CAMTA1: variants seen among roughly 807,000 people sequenced by gnomAD.
CAMTA1 encodes calmodulin binding transcription activator 1.
Under a neutral mutation model 170.9 loss-of-function variants are expected in CAMTA1, and 27 were observed. That is an observed-to-expected ratio of 0.16 (90% CI 0.12 to 0.22). The LOEUF is 0.22. Ranked by LOEUF, CAMTA1 falls within the 10% of genes least tolerant of loss-of-function variation. The probability of loss-of-function intolerance (pLI) is 1.00; values close to 1 mark genes in which losing one functional copy is unlikely to be tolerated. For synonymous variants in CAMTA1, 833 were observed against 891.5 expected, an observed-to-expected ratio of 0.93 and a Z score of 1.17; for missense variants, 1,619 against 2,217.2, an observed-to-expected ratio of 0.73 and a Z score of 5.42.
In CAMTA1 at chr1:7,635,597, A is replaced by C. The variant is rs1264201869; in HGVS notation, c.511-4803A>C. On this transcript the variant is annotated intron_variant, in intron 6 of 22. Transcript: ENST00000303635. The surrounding 1 kb of genome is among the most constrained non-coding windows in gnomAD (Gnocchi z 4.4). ...GCACTCCAGCCTGGGGGACAGAGCA[A>C]GACTCCGTCTCAAAAAAAAAAAAAA... Among the ~76,000 whole-genome samples the C allele has an allele frequency of 6.8e-6, 1 of 146,088 alleles. No individual in the cohort carries two copies. The highest frequency in any genetic ancestry group is 2.7e-5 in the African/African-American group (1 of 37,082).
Position 7,010,438 on chromosome 1 carries a change from T to TGA in CAMTA1, c.235-80866_235-80865insGA, listed in dbSNP as rs1699619136. The stretch of plus-strand genomic sequence containing the variant: ...TCTGGTCACTCCCAGGTCATGTCAG[T>TGA]CCTGAGGATGCCAGGAGACGCTTTC... On this transcript the variant is annotated intron_variant, in intron 3 of 22. Transcript: ENST00000303635. The surrounding 1 kb of genome is among the most constrained non-coding windows in gnomAD (Gnocchi z 4.4). Among the ~76,000 whole-genome samples, 2 of 152,190 alleles carry TGA rather than the reference T, an allele frequency of 1.3e-5. No individual in the cohort carries two copies. Among genetic ancestry groups the TGA allele is most frequent in the African/African-American group, 4.8e-5 (2 of 41,462 alleles).
intron 6 of CAMTA1, among the ~76,000 whole-genome samples, chr1:7,610,862 A>C (rs1403756735): frequency 6.6e-6 from 1 of 152,232 alleles, no homozygotes; most frequent in Non-Finnish European, 1.5e-5. Flanking sequence ...TCAGAGCACC[A>C]GATGAACCTC....
intron 3 of CAMTA1, among the ~76,000 whole-genome samples, chr1:7,089,819 T>C (rs920913909): frequency 1.3e-5 from 2 of 152,116 alleles, no homozygotes; most frequent in Non-Finnish European, 2.9e-5. Context: ...GACGCCATCA[T>C]GAATAGTTAG....
At chr1:7,714,245 A>G (rs2096592760) in intron 11 of CAMTA1, among the ~76,000 whole-genome samples, 1 of 152,210 alleles carries the variant, frequency 6.6e-6, no homozygotes, top group Non-Finnish European at 1.5e-5. Context: ...GCAACTTAAA[A>G]CCAATGAACT....
At chr1:7,440,826 G>A (rs762782410) in intron 5 of CAMTA1, among the ~76,000 whole-genome samples, 14 of 152,212 alleles carry the variant, frequency 9.2e-5, no homozygotes, top group Non-Finnish European at 1.8e-4. Flanking sequence ...AGCCGATGGC[G>A]ATGGTTTGAT....
At chr1:7,746,675 C>T (rs1220129814) in intron 18 of CAMTA1, among the ~76,000 whole-genome samples, 1 of 152,176 alleles carries the variant, frequency 6.6e-6, no homozygotes, top group African/African-American at 2.4e-5. Flanking sequence ...CATTCTGTTG[C>T]CAAGGCTGGA....
At chr1:7,073,653 AG>A (rs1638931861) in intron 3 of CAMTA1, among the ~76,000 whole-genome samples, 1 of 152,258 alleles carries the variant, frequency 6.6e-6, no homozygotes, top group South Asian at 2.1e-4. Flanking sequence ...GGTTATCAAA[AG>A]ATGCTGGTAG....
intron 5 of CAMTA1, among the ~76,000 whole-genome samples, chr1:7,330,896 G>A (rs2149741220): frequency 6.6e-6 from 1 of 152,268 alleles, no homozygotes; most frequent in South Asian, 2.1e-4. Flanking sequence ...CACCACCAGA[G>A]TCAGGCTGCG....
chr1:7,095,047 C>G (rs1641906718), intron 4 of CAMTA1, among the ~76,000 whole-genome samples: 1 of 151,704 alleles, frequency 6.6e-6, no homozygotes, highest in Non-Finnish European at 1.5e-5. Flanking sequence ...TAGTCTCACC[C>G]CCACCCCCAC....
At chr1:6,821,222 A>G (rs1459969721) in intron 2 of CAMTA1, among the ~76,000 whole-genome samples, 1 of 152,198 alleles carries the variant, frequency 6.6e-6, no homozygotes, top group Admixed American at 6.5e-5. Context: ...TAGAATTACT[A>G]CTGGGTTTAA....
At chr1:7,106,255 G>GGA (rs140851676) in intron 4 of CAMTA1, among the ~76,000 whole-genome samples, 1,775 of 149,774 alleles carry the variant, frequency 0.012, 36 homozygotes, top group African/African-American at 0.041. Flanking sequence ...AGGGAGGAAG[G>GGA]GAGAGAGAGA....
intron 4 of CAMTA1, among the ~76,000 whole-genome samples, chr1:7,199,766 G>A (rs1459581746): frequency 1.3e-5 from 2 of 151,976 alleles, no homozygotes; most frequent in African/African-American, 2.4e-5. Flanking sequence ...GGTGGGGAGT[G>A]GGTTTTTAAA....
At chr1:6,904,134 T>C (rs1677742238) in intron 3 of CAMTA1, among the ~76,000 whole-genome samples, 2 of 152,222 alleles carry the variant, frequency 1.3e-5, no homozygotes, top group South Asian at 4.1e-4. Context: ...CTTCCCATTC[T>C]TTCCTTCACC....
At chr1:7,180,521 T>TTC (rs1219557018) in intron 4 of CAMTA1, among the ~76,000 whole-genome samples, 1 of 144,146 alleles carries the variant, frequency 6.9e-6, no homozygotes, top group Non-Finnish European at 1.5e-5. Context: ...CTTTTTTTTT[T>TTC]TTTTTTTTTT....
intron 5 of CAMTA1, among the ~76,000 whole-genome samples, chr1:7,283,267 G>T (rs948209530): frequency 6.6e-6 from 1 of 151,986 alleles, no homozygotes; most frequent in African/African-American, 2.4e-5. Context: ...ATATTATGTT[G>T]TGCATGGTTT....
At chr1:6,985,176 CT>C (rs1312419980) in intron 3 of CAMTA1, among the ~76,000 whole-genome samples, 1 of 152,218 alleles carries the variant, frequency 6.6e-6, no homozygotes, top group Admixed American at 6.5e-5. Flanking sequence ...GTGGGGCTGA[CT>C]TGCAGAGCCA....
intron 5 of CAMTA1, among the ~76,000 whole-genome samples, chr1:7,428,724 A>T (rs935993450): frequency 6.6e-6 from 1 of 151,962 alleles, no homozygotes; most frequent in Admixed American, 6.6e-5. Flanking sequence ...CTTCAAAGCC[A>T]TGACTGCCCC....
At chr1:7,509,358 G>A (rs1227536847) in intron 6 of CAMTA1, among the ~76,000 whole-genome samples, 2 of 152,118 alleles carry the variant, frequency 1.3e-5, no homozygotes, top group Admixed American at 6.5e-5. Context: ...GCCTTCCCCA[G>A]AGCCAGGCAA....
At chr1:7,100,898 T>C (rs936249724) in intron 4 of CAMTA1, among the ~76,000 whole-genome samples, 1 of 152,206 alleles carries the variant, frequency 6.6e-6, no homozygotes, top group African/African-American at 2.4e-5. Context: ...TGGATTTTAC[T>C]GGGACAAAAG....
Sources: gnomAD v4.1 joint callset for allele counts (sites outside exome capture counted in the v4.1 genomes callset) on GRCh38, gnomAD v4.1.1 for gene constraint, Gnocchi (gnomAD v3.1) non-coding constraint, MANE v1.5 for transcripts, NCBI Gene and HGNC (gene_info 2026-07-23, HGNC 2026-07-21) for gene names.